The following RBFOX1 variants were observed in gnomAD, a reference collection of about 807,000 sequenced individuals.
RBFOX1 encodes RNA binding fox-1 homolog 1.
In RBFOX1, 8 loss-of-function variants were observed where a neutral mutation model predicts 57.7. That is an observed-to-expected ratio of 0.14 (90% CI 0.08 to 0.25). RBFOX1 has a LOEUF of 0.25. RBFOX1 is among the 10% of genes least tolerant of loss of function. The probability of loss-of-function intolerance (pLI) is 1.00; values close to 1 mark genes in which losing one functional copy is unlikely to be tolerated. For synonymous variants in RBFOX1, 326 were observed against 222.4 expected, an observed-to-expected ratio of 1.47 and a Z score of -4.15; for missense variants, 611 against 548.5, an observed-to-expected ratio of 1.11 and a Z score of -1.14.
intron 1 of RBFOX1, chr16:6,090,034 T>C (rs1253163961): frequency 1.3e-5 from 2 of 152,230 alleles, no homozygotes; most frequent in African/African-American, 4.8e-5. Flanking sequence ...ACTAATCTTT[T>C]GGTGGCTTTG....
intron 14 of RBFOX1, among the ~76,000 whole-genome samples, chr16:7,678,011 C>T (rs112022410): frequency 6.6e-6 from 1 of 152,118 alleles, no homozygotes; most frequent in African/African-American, 2.4e-5. Context: ...TATAATAAAG[C>T]AGAATAAATC....
chr16:7,259,075 T>C (rs2094813601), intron 4 of RBFOX1, among the ~76,000 whole-genome samples: 1 of 152,214 alleles, frequency 6.6e-6, no homozygotes, highest in Admixed American at 6.5e-5. Context: ...GAAACAAAGC[T>C]ACTTTATGAA....
intron 3 of RBFOX1, among the ~76,000 whole-genome samples, chr16:6,849,509 C>A (rs1219089029): frequency 6.6e-6 from 1 of 151,946 alleles, no homozygotes; most frequent in Non-Finnish European, 1.5e-5. Context: ...CTCTACTAAA[C>A]AATACAAAAA....
intron 3 of RBFOX1, among the ~76,000 whole-genome samples, chr16:6,823,231 T>G (rs777022794): frequency 6.6e-6 from 1 of 152,002 alleles, no homozygotes; most frequent in Non-Finnish European, 1.5e-5. Flanking sequence ...TCTTGGCCCA[T>G]CTGAAATTGT....
At chr16:6,029,909 T>C (rs2095264295) in intron 1 of RBFOX1, among the ~76,000 whole-genome samples, 1 of 151,942 alleles carries the variant, frequency 6.6e-6, no homozygotes, top group Non-Finnish European at 1.5e-5. Flanking sequence ...TTATTTGCTA[T>C]GATTATTATT....
chr16:5,630,321 G>T (rs9923956), intron 3 of RBFOX1, among the ~76,000 whole-genome samples: 11,732 of 152,100 alleles, frequency 0.077, 1,511 homozygotes, highest in African/African-American at 0.27. Context: ...GCCAGGCATT[G>T]TGGCACATGT....
intron 1 of RBFOX1, among the ~76,000 whole-genome samples, chr16:5,435,832 G>A (rs1239576113): frequency 6.6e-6 from 1 of 152,188 alleles, no homozygotes; most frequent in Non-Finnish European, 1.5e-5. Flanking sequence ...GGATAACTGT[G>A]CATAATCTAT....
intron 3 of RBFOX1, among the ~76,000 whole-genome samples, chr16:6,801,986 C>A (rs1056089477): frequency 6.6e-6 from 1 of 152,046 alleles, no homozygotes; most frequent in African/African-American, 2.4e-5. Context: ...CTTATCTTGT[C>A]TCGTGCTAAT....
intron 4 of RBFOX1, among the ~76,000 whole-genome samples, chr16:7,325,841 G>A (rs2096604388): frequency 1.3e-5 from 2 of 152,154 alleles, no homozygotes; most frequent in South Asian, 4.1e-4. Flanking sequence ...ATATTATGTA[G>A]CATCTCAGGG....
chr16:5,856,850 G>C (rs2057084855), intron 3 of RBFOX1, among the ~76,000 whole-genome samples: 1 of 151,636 alleles, frequency 6.6e-6, no homozygotes, highest in Non-Finnish European at 1.5e-5. Flanking sequence ...CTTCTATCCA[G>C]ACCACTGAAA....
intron 4 of RBFOX1, chr16:7,332,868 A>T (rs766957899): frequency 6.7e-7 from 1 of 1,488,584 alleles, no homozygotes; most frequent in Non-Finnish European, 8.9e-7. Context: ...CCCGGCGTTG[A>T]TGAGTGCTTG....
At chr16:5,905,539 G>A (rs111640999) in intron 4 of RBFOX1, among the ~76,000 whole-genome samples, 1 of 152,016 alleles carries the variant, frequency 6.6e-6, no homozygotes, top group Non-Finnish European at 1.5e-5. Flanking sequence ...TGTTGAAACC[G>A]AATCTCTACA....
At chr16:6,725,167 C>A (rs1286571574) in intron 3 of RBFOX1, among the ~76,000 whole-genome samples, 1 of 150,326 alleles carries the variant, frequency 6.7e-6, no homozygotes, top group East Asian at 2.0e-4. Context: ...TCTCCTGCCT[C>A]AGCCTCCCGA....
chr16:7,023,564 TA>T (rs34056673), intron 3 of RBFOX1, among the ~76,000 whole-genome samples: 2,050 of 43,688 alleles, frequency 0.047, 79 homozygotes, highest in African/African-American at 0.17. Context: ...TCGTCTGTAC[TA>T]AAAAAAAAAA....
intron 3 of RBFOX1, among the ~76,000 whole-genome samples, chr16:6,779,659 A>C (rs183576940): frequency 3.5e-5 from 5 of 141,158 alleles, no homozygotes; most frequent in Non-Finnish European, 6.0e-5. Context: ...CCTCTTCTCC[A>C]TATCCTTACC....
At chr16:5,786,739 A>G (rs1187381219) in intron 3 of RBFOX1, among the ~76,000 whole-genome samples, 3 of 152,130 alleles carry the variant, frequency 2.0e-5, no homozygotes, top group African/African-American at 7.2e-5. Flanking sequence ...GCCATTTCAC[A>G]TTTGACTGGC....
intron 4 of RBFOX1, among the ~76,000 whole-genome samples, chr16:7,194,479 G>A (rs1353560715): frequency 6.6e-6 from 1 of 152,152 alleles, no homozygotes; most frequent in African/African-American, 2.4e-5. Flanking sequence ...TAGAGTTTGG[G>A]AAAATCTAGC....
intron 3 of RBFOX1, among the ~76,000 whole-genome samples, chr16:6,805,777 C>T (rs1374546021): frequency 6.6e-6 from 1 of 152,176 alleles, no homozygotes; most frequent in African/African-American, 2.4e-5. Context: ...TGAAGTGTAA[C>T]ACCCAAGCCA....
intron 10 of RBFOX1, among the ~76,000 whole-genome samples, chr16:7,609,499 G>A (rs920402281): frequency 1.3e-5 from 2 of 152,136 alleles, no homozygotes; most frequent in African/African-American, 4.8e-5. Flanking sequence ...CATTAGAGCA[G>A]CTATTCAGAT....
Sources: allele counts gnomAD v4.1 joint callset (sites outside exome capture counted in the v4.1 genomes callset), GRCh38; gene constraint gnomAD v4.1.1; transcripts MANE v1.5; gene names NCBI Gene and HGNC (gene_info 2026-07-23, HGNC 2026-07-21).